Variants in MAGI1 observed in about 807,000 individuals in gnomAD.
MAGI1 encodes the protein membrane-associated guanylate kinase, WW and PDZ domain-containing protein 1.
Under a neutral mutation model 139.9 loss-of-function variants are expected in MAGI1, and 58 were observed. The observed-to-expected ratio is 0.41, with a 90% CI of 0.34 to 0.52. The LOEUF is 0.52. MAGI1 is among the 20% of genes least tolerant of loss of function. The pLI, the probability that MAGI1 is intolerant of heterozygous loss-of-function variation, is 0.12. For synonymous variants in MAGI1, 812 were observed against 737.9 expected (o/e 1.10, Z -1.63); for missense variants, 1,874 against 1,901.6 (o/e 0.99, Z 0.27).
chr3:65,379,100 C>G, intron 17 of MAGI1, 161 bp downstream of exon 17: 1 of 1,457,138 alleles, frequency 6.9e-7, no homozygotes. Flanking sequence ...AGGGAAAAAG[C>G]TACCAAATCA....
chr3:65,797,699 C>T (rs775273477), intron 1 of MAGI1, among the ~76,000 whole-genome samples: 1 of 151,704 alleles, frequency 6.6e-6, no homozygotes, highest in Non-Finnish European at 1.5e-5. Flanking sequence ...TTGAGCAACA[C>T]AGTGAGACCC....
chr3:65,574,334 A>G (rs976947664), intron 2 of MAGI1, among the ~76,000 whole-genome samples: 54 of 151,292 alleles, frequency 3.6e-4, no homozygotes, highest in African/African-American at 1.3e-3. Context: ...ACAGTACCCA[A>G]TAGATATTTT....
intron 1 of MAGI1, among the ~76,000 whole-genome samples, chr3:65,640,178 A>G (rs1019862105): frequency 4.0e-5 from 6 of 151,894 alleles, no homozygotes; most frequent in Admixed American, 6.6e-5. Flanking sequence ...GCCAGTCTCT[A>G]TAACTGTGTG....
intron 1 of MAGI1, among the ~76,000 whole-genome samples, chr3:65,803,835 A>G (rs1387429679): frequency 6.6e-6 from 1 of 152,200 alleles, no homozygotes; most frequent in Non-Finnish European, 1.5e-5. Context: ...GCAAACTCAT[A>G]CAAGAAGAGA....
intron 1 of MAGI1, among the ~76,000 whole-genome samples, chr3:65,838,107 C>T (rs144006860): frequency 8.5e-4 from 130 of 152,140 alleles, no homozygotes; most frequent in South Asian, 2.5e-3. Context: ...TAACCACCAC[C>T]CCAATCAAGA....
rs189896139 is a variant in MAGI1 at position 65,998,118 on chromosome 3, A to C, written c.313+39878T>G. ...ACTCTGTCTCGGGAAAAAAAAAAAA[A>C]AAACAAACAGTAGTTGTGGTGGATT... On this transcript the variant is annotated intron_variant, in intron 1 of 22. Coordinates refer to ENST00000402939, the MANE Select transcript of MAGI1 (RefSeq NM_001033057.2). Among the ~76,000 whole-genome samples the C allele has an allele frequency of 4.0e-3, 601 of 152,028 alleles. 1 individual carries two copies. Among genetic ancestry groups the C allele is most frequent in the Non-Finnish European group, 5.3e-3 (363 of 67,956 alleles).
chr3:65,958,409 G>A (rs1463825927), intron 1 of MAGI1, among the ~76,000 whole-genome samples: 1 of 152,188 alleles, frequency 6.6e-6, no homozygotes, highest in Non-Finnish European at 1.5e-5. Flanking sequence ...AAAAAGGTAT[G>A]CATGCAATCC....
chr3:65,550,981 T>G (rs1293445622), intron 2 of MAGI1, among the ~76,000 whole-genome samples: 1 of 151,988 alleles, frequency 6.6e-6, no homozygotes, highest in Admixed American at 6.6e-5. Flanking sequence ...GAAACGGAAT[T>G]CCCAGTGATA....
intron 17 of MAGI1, among the ~76,000 whole-genome samples, chr3:65,377,714 C>T (rs1022092206): frequency 2.0e-5 from 3 of 152,100 alleles, no homozygotes; most frequent in African/African-American, 7.2e-5. Flanking sequence ...ACCAAAAAAC[C>T]TTGCTTTGAT....
At chr3:65,425,135 A>AAAAAAAAAAAAAAAAAAC (rs1559543283) in intron 12 of MAGI1, among the ~76,000 whole-genome samples, 2 of 87,738 alleles carry the variant, frequency 2.3e-5, no homozygotes, top group African/African-American at 4.2e-5. Context: ...AAAAAAAACA[A>AAAAAAAAAAAAAAAAAAC]AAAAAAACAC....
At chr3:65,538,579 A>G (rs1037069712) in intron 2 of MAGI1, among the ~76,000 whole-genome samples, 2 of 152,178 alleles carry the variant, frequency 1.3e-5, no homozygotes, top group Non-Finnish European at 2.9e-5. Flanking sequence ...AATCTGGCAA[A>G]TACAATATGA....
intron 1 of MAGI1, among the ~76,000 whole-genome samples, chr3:65,984,128 T>A (rs973969807): frequency 6.6e-6 from 1 of 152,120 alleles, no homozygotes; most frequent in Admixed American, 6.6e-5. Context: ...ACCCCATCTC[T>A]ACTAAAAATA....
chr3:65,492,051 T>C (rs1324046226), intron 3 of MAGI1, among the ~76,000 whole-genome samples: 1 of 152,152 alleles, frequency 6.6e-6, no homozygotes, highest in African/African-American at 2.4e-5. Context: ...AGCTATAATG[T>C]CCCTAATAAA....
At chr3:66,018,608 T>C in intron 1 of MAGI1, among the ~76,000 whole-genome samples, 1 of 152,236 alleles carries the variant, frequency 6.6e-6, no homozygotes, top group East Asian at 1.9e-4. Context: ...ACATGGATCA[T>C]GATCACCATC....
chr3:65,394,403 A>G (rs187953801), intron 13 of MAGI1, among the ~76,000 whole-genome samples: 93 of 152,312 alleles, frequency 6.1e-4, no homozygotes, highest in African/African-American at 2.1e-3. Context: ...ACTGGAAAAT[A>G]AAAGTAAAGG....
chr3:65,403,259 C>T lies in MAGI1; in HGVS notation c.2168-1789G>A, dbSNP rs141816086. Reference sequence around the variant, plus strand: ...GTCTACACCTTTTCACCCTCCTTAGCTAATTTACATCATTCAGAAAGGAAG... The same window carrying T: ...GTCTACACCTTTTCACCCTCCTTAGTTAATTTACATCATTCAGAAAGGAAG... On this transcript the variant is annotated intron_variant, in intron 12 of 22. Coordinates refer to ENST00000402939, the MANE Select transcript of MAGI1 (RefSeq NM_001033057.2). Among the ~76,000 whole-genome samples, 5 of 152,238 alleles carry T rather than the reference C, an allele frequency of 3.3e-5. No homozygotes were observed. The Middle Eastern group carries it at 0.01, about 311-fold the overall frequency.
intron 1 of MAGI1, among the ~76,000 whole-genome samples, chr3:65,909,949 G>A (rs751122466): frequency 9.2e-5 from 14 of 152,038 alleles, no homozygotes; most frequent in South Asian, 4.2e-4. Flanking sequence ...CATAAGGAGC[G>A]CACAACTAGA....
intron 1 of MAGI1, among the ~76,000 whole-genome samples, chr3:65,802,879 TG>T (rs1447668375): frequency 6.6e-6 from 1 of 151,838 alleles, no homozygotes; most frequent in Non-Finnish European, 1.5e-5. Context: ...TGTGTGTGTG[TG>T]TGTGTGTGTG....
intron 2 of MAGI1, among the ~76,000 whole-genome samples, chr3:65,522,114 C>T (rs1410697913): frequency 2.6e-5 from 4 of 152,164 alleles, no homozygotes; most frequent in Non-Finnish European, 1.5e-5. Context: ...TCTGCCACAA[C>T]ATGGCCTAAA....
Sources: gnomAD v4.1 joint callset for allele counts (sites outside exome capture counted in the v4.1 genomes callset) on GRCh38, gnomAD v4.1.1 for gene constraint, MANE v1.5 for transcripts, NCBI Gene and HGNC (gene_info 2026-07-23, HGNC 2026-07-21) for gene names.